Variants in RYR2 observed in about 807,000 individuals in gnomAD.
RYR2 encodes ryanodine receptor 2, also known as cardiac muscle ryanodine receptor-calcium release channel.
RYR2 carries 227 observed loss-of-function variants against 601.1 expected under a neutral mutation model. The ratio of observed to expected loss-of-function variants is 0.38; its 90% confidence interval spans 0.34 to 0.42. RYR2 has a LOEUF of 0.42. Ranked by LOEUF, RYR2 falls within the 10% of genes least tolerant of loss-of-function variation. The pLI, the probability that RYR2 is intolerant of heterozygous loss-of-function variation, is 1.00. For synonymous variants in RYR2, 2,223 were observed against 2,175.1 expected, an observed-to-expected ratio of 1.02 and a Z score of -0.61; for missense variants, 4,646 against 6,156.5, an observed-to-expected ratio of 0.75 and a Z score of 8.21.
intron 79 of RYR2, among the ~76,000 whole-genome samples, chr1:237,739,402 A>G (rs538600145): frequency 6.6e-6 from 1 of 152,228 alleles, no homozygotes; most frequent in South Asian, 2.1e-4. Context: ...TCTCTTTACC[A>G]GCTGTCATCC....
chr1:237,342,457 A>G (rs940741933), intron 3 of RYR2, among the ~76,000 whole-genome samples: 2 of 151,780 alleles, frequency 1.3e-5, no homozygotes, highest in African/African-American at 4.8e-5. Flanking sequence ...CCCCACTCAT[A>G]CAACCTCTTT....
At chr1:237,830,368 C>A in intron 102 of RYR2, 162 bp from the exon 103 acceptor site, 1 of 540,116 alleles carries the variant, frequency 1.9e-6, no homozygotes, top group Non-Finnish European at 3.4e-6. Context: ...ATAGTTACAG[C>A]GACAGTTCCA....
At chr1:237,488,995 G>A (rs1414990388) in intron 17 of RYR2, among the ~76,000 whole-genome samples, 1 of 152,144 alleles carries the variant, frequency 6.6e-6, no homozygotes, top group African/African-American at 2.4e-5. Context: ...ATTACAGGCC[G>A]CGTGGACCAT....
intron 38 of RYR2, among the ~76,000 whole-genome samples, chr1:237,620,074 G>A (rs774474575): frequency 5.3e-5 from 8 of 152,050 alleles, no homozygotes; most frequent in Non-Finnish European, 1.2e-4. Flanking sequence ...TTTATTCTCT[G>A]GAGTTTTCTA....
intron 10 of RYR2, among the ~76,000 whole-genome samples, chr1:237,398,821 A>G (rs1703083838): frequency 6.6e-6 from 1 of 152,038 alleles, no homozygotes; most frequent in African/African-American, 2.4e-5. Context: ...ATTTGTAATA[A>G]TCGAAACATG....
chr1:237,468,979 T>A (rs1558870582), intron 16 of RYR2, 113 bp from the exon 17 acceptor site: 1 of 717,892 alleles, frequency 1.4e-6, no homozygotes, highest in African/African-American at 1.9e-5. Flanking sequence ...AGTTTTTAGA[T>A]GTAACAGAGG....
chr1:237,710,256 T>C (rs951390183), intron 70 of RYR2, among the ~76,000 whole-genome samples: 4 of 152,228 alleles, frequency 2.6e-5, no homozygotes, highest in African/African-American at 9.6e-5. Flanking sequence ...TTTAAAAATT[T>C]AGAATTTTTA....
At chr1:237,392,915 A>G (rs1213185111) in intron 10 of RYR2, among the ~76,000 whole-genome samples, 2 of 152,242 alleles carry the variant, frequency 1.3e-5, no homozygotes, top group African/African-American at 4.8e-5. Flanking sequence ...CTATAGTAGT[A>G]TACACAAAGT....
chr1:237,281,060 C>T (rs772301441), intron 2 of RYR2, among the ~76,000 whole-genome samples: 12 of 152,320 alleles, frequency 7.9e-5, no homozygotes, highest in Non-Finnish European at 1.6e-4. Flanking sequence ...GCTGGGATTT[C>T]AGGCATGAGC....
intron 1 of RYR2, among the ~76,000 whole-genome samples, chr1:237,152,571 T>C (rs1448837756): frequency 2.0e-5 from 3 of 152,336 alleles, no homozygotes; most frequent in Admixed American, 6.5e-5. Context: ...TAGTATCTCA[T>C]TGTGGTTTTG....
intron 10 of RYR2, among the ~76,000 whole-genome samples, chr1:237,406,156 T>TGCCC (rs1558764569): frequency 7.0e-5 from 1 of 14,278 alleles, no homozygotes; most frequent in African/African-American, 3.3e-4. Flanking sequence ...TCCCCTCCCC[T>TGCCC]TCCCTTCCCT....
chr1:237,352,214 A>T (rs1698914505), intron 3 of RYR2, among the ~76,000 whole-genome samples: 1 of 152,030 alleles, frequency 6.6e-6, no homozygotes, highest in African/African-American at 2.4e-5. Context: ...AAAGTTGGGG[A>T]AAGTGGATAC....
chr1:237,344,086 G>A (rs557216418), intron 3 of RYR2, among the ~76,000 whole-genome samples: 1 of 152,186 alleles, frequency 6.6e-6, no homozygotes, highest in South Asian at 2.1e-4. Flanking sequence ...GCCTCCCAAA[G>A]TGCTGGGATT....
At chr1:237,218,219 C>A (rs978978936) in intron 1 of RYR2, among the ~76,000 whole-genome samples, 2 of 152,082 alleles carry the variant, frequency 1.3e-5, no homozygotes, top group Non-Finnish European at 2.9e-5. Flanking sequence ...GGAATCCTTA[C>A]TGAATGAAAA....
intron 100 of RYR2, among the ~76,000 whole-genome samples, chr1:237,812,230 A>G (rs1199770594): frequency 1.6e-4 from 25 of 152,178 alleles, no homozygotes; most frequent in Admixed American, 9.2e-4. Context: ...AAGTTACACT[A>G]CCTCACAGAT....
intron 1 of RYR2, among the ~76,000 whole-genome samples, chr1:237,084,721 G>C (rs371416545): frequency 6.6e-6 from 1 of 152,144 alleles, no homozygotes; most frequent in African/African-American, 2.4e-5. Flanking sequence ...TTTGCTTTTG[G>C]CCAGGCATTT....
At chr1:237,269,744 T>C (rs949930550) in intron 1 of RYR2, among the ~76,000 whole-genome samples, 2 of 152,206 alleles carry the variant, frequency 1.3e-5, no homozygotes, top group African/African-American at 2.4e-5. Flanking sequence ...ACCTAGTACA[T>C]GGTGAGCTGG....
intron 34 of RYR2, among the ~76,000 whole-genome samples, chr1:237,601,018 A>G (rs904087768): frequency 6.6e-6 from 1 of 152,208 alleles, no homozygotes; most frequent in African/African-American, 2.4e-5. Flanking sequence ...CCCATTATGA[A>G]AAACAGTATG....
At chr1:237,397,697 C>T (rs1401808615) in intron 10 of RYR2, among the ~76,000 whole-genome samples, 1 of 151,652 alleles carries the variant, frequency 6.6e-6, no homozygotes, top group Non-Finnish European at 1.5e-5. Context: ...TATGGCCTGG[C>T]CTTACACCCT....
Sources: allele counts gnomAD v4.1 joint callset (sites outside exome capture counted in the v4.1 genomes callset), GRCh38; gene constraint gnomAD v4.1.1; transcripts MANE v1.5; gene names NCBI Gene and HGNC (gene_info 2026-07-23, HGNC 2026-07-21).